Variants in SGCZ observed in about 807,000 individuals in gnomAD.
SGCZ encodes the protein zeta-sarcoglycan.
In SGCZ, 40 loss-of-function variants were observed where a neutral mutation model predicts 41.3. The observed-to-expected ratio is 0.97, with a 90% CI of 0.75 to 1.26. The LOEUF (loss-of-function observed/expected upper bound fraction) is 1.26. SGCZ is among the 50% of genes most tolerant of loss of function. SGCZ has a pLI of 0.00. For missense variants in SGCZ, 552 were observed against 369.8 expected, an observed-to-expected ratio of 1.49 and a Z score of -4.04; for synonymous variants, 206 against 137.5, an observed-to-expected ratio of 1.50 and a Z score of -3.49.
chr8:14,282,411 G>A (rs1585316474), intron 3 of SGCZ, among the ~76,000 whole-genome samples: 1 of 151,880 alleles, frequency 6.6e-6, no homozygotes, highest in Non-Finnish European at 1.5e-5. Flanking sequence ...CTCATTTATG[G>A]CAGTAACTAT....
intron 1 of SGCZ, among the ~76,000 whole-genome samples, chr8:14,806,739 G>T (rs1268542423): frequency 3.3e-5 from 5 of 152,180 alleles, no homozygotes; most frequent in African/African-American, 1.2e-4. Flanking sequence ...TAGGGAGTTA[G>T]CATCATTCTG....
intron 1 of SGCZ, among the ~76,000 whole-genome samples, chr8:15,030,538 A>G (rs1563451686): frequency 6.6e-6 from 1 of 152,186 alleles, no homozygotes; most frequent in African/African-American, 2.4e-5. Flanking sequence ...TGTGGAAGAA[A>G]CCATGAGAAG....
At chr8:14,378,977 T>C (rs540515873) in intron 2 of SGCZ, among the ~76,000 whole-genome samples, 9 of 152,322 alleles carry the variant, frequency 5.9e-5, no homozygotes, top group Admixed American at 2.0e-4. Context: ...TAATGGATGC[T>C]TTCTTACGTA....
intron 1 of SGCZ, among the ~76,000 whole-genome samples, chr8:14,882,163 G>C (rs909810892): frequency 4.6e-5 from 7 of 152,166 alleles, no homozygotes; most frequent in Admixed American, 1.3e-4. Context: ...GTGAATGTGA[G>C]GTCTTAGCAA....
intron 1 of SGCZ, among the ~76,000 whole-genome samples, chr8:14,945,197 A>G (rs1372238171): frequency 6.6e-6 from 1 of 152,050 alleles, no homozygotes; most frequent in Non-Finnish European, 1.5e-5. Context: ...AGTAATCCTT[A>G]TGATACATTT....
chr8:14,763,320 G>A (rs750812566), intron 1 of SGCZ, among the ~76,000 whole-genome samples: 3 of 152,106 alleles, frequency 2.0e-5, no homozygotes, highest in Admixed American at 6.6e-5. Context: ...ATTTTAATAC[G>A]GTGGACAAAG....
intron 2 of SGCZ, among the ~76,000 whole-genome samples, chr8:14,374,521 A>T (rs568090152): frequency 1.3e-5 from 2 of 152,180 alleles, no homozygotes; most frequent in Non-Finnish European, 2.9e-5. Context: ...AATGAGACTA[A>T]AAGAAGATGT....
intron 1 of SGCZ, among the ~76,000 whole-genome samples, chr8:14,739,060 T>A (rs552637986): frequency 1.3e-5 from 2 of 152,056 alleles, no homozygotes; most frequent in Admixed American, 6.6e-5. Flanking sequence ...CCCATATTGA[T>A]CTGTTCCCCT....
intron 2 of SGCZ, among the ~76,000 whole-genome samples, chr8:14,508,797 C>A (rs1802383291): frequency 1.3e-5 from 2 of 152,094 alleles, no homozygotes; most frequent in Admixed American, 1.3e-4. Flanking sequence ...GAAGAATATT[C>A]TTCAATTGCT....
At chr8:15,159,274 A>G (rs915637416) in intron 1 of SGCZ, among the ~76,000 whole-genome samples, 30 of 152,172 alleles carry the variant, frequency 2.0e-4, no homozygotes, top group African/African-American at 7.0e-4. Context: ...CACCACCACA[A>G]TTACTGCCTT....
intron 1 of SGCZ, among the ~76,000 whole-genome samples, chr8:14,650,917 T>C (rs893046808): frequency 2.6e-5 from 4 of 152,082 alleles, no homozygotes; most frequent in Non-Finnish European, 5.9e-5. Flanking sequence ...GAGAAATATT[T>C]ATAAGGCAGA....
chr8:14,868,490 T>C (rs1029986558), intron 1 of SGCZ, among the ~76,000 whole-genome samples: 1 of 152,106 alleles, frequency 6.6e-6, no homozygotes, highest in African/African-American at 2.4e-5. Flanking sequence ...GTGTTATGAA[T>C]AGAGAGCTTA....
At chr8:15,019,490 T>C (rs967479395) in intron 1 of SGCZ, among the ~76,000 whole-genome samples, 2 of 152,116 alleles carry the variant, frequency 1.3e-5, no homozygotes, top group African/African-American at 4.8e-5. Context: ...CACTCCTTTC[T>C]GTGGGGTGGT....
intron 1 of SGCZ, among the ~76,000 whole-genome samples, chr8:14,662,748 G>T (rs148057726): frequency 6.6e-6 from 1 of 152,130 alleles, no homozygotes; most frequent in Admixed American, 6.6e-5. Flanking sequence ...AGATTATCCT[G>T]CATTATCCAC....
At chr8:15,125,440 G>C (rs17575063) in intron 1 of SGCZ, among the ~76,000 whole-genome samples, 21,554 of 152,032 alleles carry the variant, frequency 0.14, 2,012 homozygotes, top group Non-Finnish European at 0.21. Flanking sequence ...TACCATCAAA[G>C]GCCTAAATTA....
At chr8:14,377,407 T>G (rs1445561210) in intron 2 of SGCZ, among the ~76,000 whole-genome samples, 1 of 152,132 alleles carries the variant, frequency 6.6e-6, no homozygotes, top group Non-Finnish European at 1.5e-5. Context: ...AATCAACTGG[T>G]AATAGGAAGT....
chr8:15,170,955 A>C (rs111981109), intron 1 of SGCZ, among the ~76,000 whole-genome samples: 10 of 152,366 alleles, frequency 6.6e-5, no homozygotes, highest in African/African-American at 2.2e-4. Flanking sequence ...ATGATTTGGT[A>C]GCTGTGTGTA....
At chr8:15,218,156 T>C (rs1801478655) in intron 1 of SGCZ, among the ~76,000 whole-genome samples, 1 of 152,194 alleles carries the variant, frequency 6.6e-6, no homozygotes, top group Non-Finnish European at 1.5e-5. Flanking sequence ...AGAGGAAACT[T>C]ATTTTTAGTG....
chr8:14,673,105 TCCATTGTATCACATC>T (rs1808156723), intron 1 of SGCZ, among the ~76,000 whole-genome samples: 1 of 152,220 alleles, frequency 6.6e-6, no homozygotes, highest in Non-Finnish European at 1.5e-5. Flanking sequence ...CTTTTATGTT[TCCATTGTATCACATC>T]CCATTATCCC....
Sources: allele counts gnomAD v4.1 joint callset (sites outside exome capture counted in the v4.1 genomes callset), GRCh38; gene constraint gnomAD v4.1.1; transcripts MANE v1.5; gene names NCBI Gene and HGNC (gene_info 2026-07-23, HGNC 2026-07-21).